Variants in AGAP1 observed in about 807,000 individuals in gnomAD.
AGAP1 encodes arf-GAP with GTPase, ANK repeat and PH domain-containing protein 1.
In AGAP1, 29 loss-of-function variants were observed where a neutral mutation model predicts 105.3. That is an observed-to-expected ratio of 0.28 (90% CI 0.21 to 0.38). The LOEUF is 0.38. Ranked by LOEUF, AGAP1 falls within the 10% of genes least tolerant of loss-of-function variation. The pLI is 1.00. For missense variants in AGAP1, 998 were observed against 1,165.1 expected, an observed-to-expected ratio of 0.86 and a Z score of 2.09; for synonymous variants, 509 against 485.9, an observed-to-expected ratio of 1.05 and a Z score of -0.63.
chr2:235,981,458 C>CAA lies in AGAP1; in HGVS notation c.1645+12836_1645+12837insAA, dbSNP rs1201319999. Among the ~76,000 whole-genome samples the CAA allele has an allele frequency of 6.6e-6, 1 of 151,766 alleles. No individual in the cohort carries two copies. Among genetic ancestry groups the CAA allele is most frequent in the Non-Finnish European group, 1.5e-5 (1 of 67,894 alleles). On this transcript the variant is annotated intron_variant, in intron 13 of 17. Coordinates refer to ENST00000304032, the MANE Select transcript of AGAP1 (RefSeq NM_001037131.3). The surrounding 1 kb of genome is among the most constrained non-coding windows in gnomAD (Gnocchi z 5.5). Reference sequence around the variant, plus strand: ...AGTTCATGTTCCATGCGTACACACACACACACACACACACACGGTGTTATT... The same window carrying CAA: ...AGTTCATGTTCCATGCGTACACACACAAACACACACACACACACGGTGTTATT...
intron 9 of AGAP1, among the ~76,000 whole-genome samples, chr2:235,857,247 G>A (rs1345136866): frequency 6.6e-6 from 1 of 152,170 alleles, no homozygotes; most frequent in East Asian, 1.9e-4. Flanking sequence ...TATTGAGAAC[G>A]GCACATGCAA....
At chr2:235,538,555 G>A (rs905849135) in intron 1 of AGAP1, among the ~76,000 whole-genome samples, 1 of 151,578 alleles carries the variant, frequency 6.6e-6, no homozygotes, top group Admixed American at 6.6e-5. Context: ...ATAGGTTTCC[G>A]CACGCCTTGC....
In AGAP1 at chr2:235,964,176, CA is replaced by C. The variant is rs1454321159; in HGVS notation, c.1484-4283del. Among the ~76,000 whole-genome samples the C allele has an allele frequency of 6.6e-6, 1 of 152,062 alleles. No homozygotes were observed. Among genetic ancestry groups the C allele is most frequent in the African/African-American group, 2.4e-5 (1 of 41,378 alleles). On this transcript the variant is annotated intron_variant, in intron 12 of 17. Transcript: ENST00000304032. This position sits in a 1 kb window ranked among gnomAD's most constrained non-coding sequence, Gnocchi z 4.6. ...AATGTTAGTTTGGGAGAGAGTGTTA[CA>C]AACACAGAGTGACAGAGGGAAGGAC...
Position 235,686,660 on chromosome 2 carries a change from TATATA to T in AGAP1, c.164-22518_164-22514del, listed in dbSNP as rs1559351256. Among the ~76,000 whole-genome samples the T allele has an allele frequency of 2.2e-3, 138 of 63,120 alleles. 7 individuals carry two copies. The highest frequency in any genetic ancestry group is 3.4e-3 in the African/African-American group (37 of 10,920). The allele number at this position is 63,120 out of a possible 152,430, so 41.4% of individuals were successfully genotyped here. On this transcript the variant is annotated intron_variant, in intron 1 of 17. Transcript: ENST00000304032. Reference sequence around the variant, plus strand: ...ATATATATATAGATATATATATATATATATATTTTTTTTTTTTTTTAGACAGAGTC... The same window carrying T: ...ATATATATATAGATATATATATATATTTTTTTTTTTTTTTTAGACAGAGTC...
rs143714801 is a variant in AGAP1 at position 235,728,301 on chromosome 2, CTGTG to C, written c.310+10680_310+10683del. ...ATCTGAAAAGGACTGGGCCCAGACT[CTGTG>C]TGTGTGTGTGTGTGTGTGTGTGCGT... On this transcript the variant is annotated intron_variant, in intron 3 of 17. Transcript: ENST00000304032. This position sits in a 1 kb window ranked among gnomAD's most constrained non-coding sequence, Gnocchi z 4.3. 6.1e-5 allele frequency among the ~76,000 whole-genome samples: 9 copies of C among 148,606 alleles called. No individual in the cohort carries two copies. The highest frequency in any genetic ancestry group is 2.0e-4 in the East Asian group (1 of 5,042).
chr2:235,494,095 C>T lies in AGAP1; in HGVS notation c.-592C>T, dbSNP rs1487158796. ...GGCCGGGCAGGCGGCGGGCGGCGCT[C>T]GGAGCGGGCTCCGCGGCTTGCAAGG... On this transcript the variant is annotated 5_prime_UTR_variant, in exon 1 of 18. Coordinates refer to ENST00000304032, the MANE Select transcript of AGAP1 (RefSeq NM_001037131.3). 2 of 145,468 alleles carry T rather than the reference C, an allele frequency of 1.4e-5. No individual in the cohort carries two copies. The highest frequency in any genetic ancestry group is 4.9e-5 in the African/African-American group (2 of 40,442). The allele number at this position is 145,468 out of a possible 1,614,324, so 9.0% of individuals were successfully genotyped here.
In AGAP1 at chr2:235,777,003, A is replaced by T. The variant is rs1187753616; in HGVS notation, c.674-20756A>T. The T allele has an allele frequency of 2.1e-6, 1 of 471,134 alleles. No individual in the cohort carries two copies. Among genetic ancestry groups the T allele is most frequent in the Admixed American group, 2.3e-5 (1 of 42,590 alleles). The allele number at this position is 471,134 out of a possible 1,614,324, so 29.2% of individuals were successfully genotyped here. ...ACATGGTGAGTTCCCAGCACGTTTT[A>T]TCATGTGAGCGTCTGCTCTTGAGAG... On this transcript the variant is annotated intron_variant, in intron 6 of 17. Transcript: ENST00000304032. This position sits in a 1 kb window ranked among gnomAD's most constrained non-coding sequence, Gnocchi z 5.1.
At chr2:235,709,297 A>C in intron 2 of AGAP1, 60 bp downstream of exon 2, 1 of 1,564,918 alleles carries the variant, frequency 6.4e-7, no homozygotes, top group Non-Finnish European at 8.8e-7. Context: ...TGCACACCCA[A>C]GCCTGCATTC....
chr2:235,505,371 T>C (rs1941753388), intron 1 of AGAP1, among the ~76,000 whole-genome samples: 1 of 152,066 alleles, frequency 6.6e-6, no homozygotes, highest in Non-Finnish European at 1.5e-5. Flanking sequence ...CGCGGGGCCA[T>C]GGATTGAGTG....
chr2:235,700,103 T>C lies in AGAP1; in HGVS notation c.164-9076T>C, dbSNP rs992899462. On this transcript the variant is annotated intron_variant, in intron 1 of 17. Transcript: ENST00000304032. This position sits in a 1 kb window ranked among gnomAD's most constrained non-coding sequence, Gnocchi z 6.1. ...AAGATGCTTGCAACAAAACTTGTTA[T>C]CACCTTGGTTTATAACAGTGAGATG... 3.9e-5 allele frequency among the ~76,000 whole-genome samples: 6 copies of C among 152,226 alleles called. No individual in the cohort carries two copies. The highest frequency in any genetic ancestry group is 2.1e-4 in the South Asian group (1 of 4,830).
chr2:235,583,275 G>A (rs762318158), intron 1 of AGAP1, among the ~76,000 whole-genome samples: 6 of 151,694 alleles, frequency 4.0e-5, no homozygotes, highest in Non-Finnish European at 7.4e-5. Context: ...GTCTTACTGC[G>A]GCCTTGAACC....
chr2:236,100,745 G>T (rs2059326029), intron 16 of AGAP1, among the ~76,000 whole-genome samples: 1 of 151,610 alleles, frequency 6.6e-6, no homozygotes, highest in Non-Finnish European at 1.5e-5. Flanking sequence ...CAGGAGAATC[G>T]CTTAAGCCCA....
chr2:235,589,969 C>T (rs947181579), intron 1 of AGAP1, among the ~76,000 whole-genome samples: 2 of 152,024 alleles, frequency 1.3e-5, no homozygotes, highest in Non-Finnish European at 2.9e-5. Flanking sequence ...CAGCCTCTGC[C>T]TCCCGGGTTC....
intron 6 of AGAP1, among the ~76,000 whole-genome samples, chr2:235,783,868 C>CA (rs1402860804): frequency 2.6e-5 from 4 of 151,892 alleles, no homozygotes; most frequent in Non-Finnish European, 5.9e-5. Context: ...CATTTAATCT[C>CA]AAAAAAAGAA....
chr2:235,837,258 T>C (rs998373867), intron 9 of AGAP1, among the ~76,000 whole-genome samples: 2 of 152,236 alleles, frequency 1.3e-5, no homozygotes, highest in Non-Finnish European at 2.9e-5. Flanking sequence ...GTGCTGGGAT[T>C]ATAGGCATGA....
chr2:235,766,806 A>G (rs1255788723), intron 6 of AGAP1, among the ~76,000 whole-genome samples: 3 of 151,610 alleles, frequency 2.0e-5, no homozygotes, highest in Non-Finnish European at 4.4e-5. Flanking sequence ...CAGTGGTAAG[A>G]TCTCGGCTCA....
chr2:235,624,382 C>T (rs533177432), intron 1 of AGAP1, among the ~76,000 whole-genome samples: 2 of 152,300 alleles, frequency 1.3e-5, no homozygotes, highest in African/African-American at 2.4e-5. Context: ...TGTCCTTAGA[C>T]AGTAGATGGT....
At position 235,551,168 on chromosome 2, in the gene AGAP1, G is replaced by GT. The variant is rs1943796478; in HGVS notation, c.163+56321dup. Among the ~76,000 whole-genome samples, 1 of 152,202 alleles carries GT rather than the reference G, an allele frequency of 6.6e-6. No homozygotes were observed. The highest frequency in any genetic ancestry group is 6.5e-5 in the Admixed American group (1 of 15,280). On this transcript the variant is annotated intron_variant, in intron 1 of 17. Coordinates refer to ENST00000304032, the MANE Select transcript of AGAP1 (RefSeq NM_001037131.3). The surrounding 1 kb of genome is among the most constrained non-coding windows in gnomAD (Gnocchi z 4.8). ...TCCCTGGCCACCTCCAGTGGTGTGAGTTGGTTGCTTGATGTCATCTGAGGT... is the reference window on the plus strand; with the variant it reads ...TCCCTGGCCACCTCCAGTGGTGTGAGTTTGGTTGCTTGATGTCATCTGAGGT...
rs1943865058 is a variant in AGAP1 at position 235,553,093 on chromosome 2, G to C, written c.163+58244G>C. ...TGCAAGTAGCATTAATACTATAACT[G>C]AATATACAGTCAGCTACTCACCACT... is the stretch of plus-strand genomic sequence containing the variant. On this transcript the variant is annotated intron_variant, in intron 1 of 17. Transcript: ENST00000304032. The surrounding 1 kb of genome is among the most constrained non-coding windows in gnomAD (Gnocchi z 4.5). Among the ~76,000 whole-genome samples, 1 of 152,172 alleles carries C rather than the reference G, an allele frequency of 6.6e-6. No homozygotes were observed. Among genetic ancestry groups the C allele is most frequent in the Non-Finnish European group, 1.5e-5 (1 of 68,024 alleles).
Sources: gnomAD v4.1 joint callset for allele counts (sites outside exome capture counted in the v4.1 genomes callset) on GRCh38, gnomAD v4.1.1 for gene constraint, Gnocchi (gnomAD v3.1) non-coding constraint, MANE v1.5 for transcripts, NCBI Gene and HGNC (gene_info 2026-07-23, HGNC 2026-07-21) for gene names.